Variants in ST13 observed in about 807,000 individuals in gnomAD.
The protein encoded by ST13 is hsc70-interacting protein.
ST13 carries 23 observed loss-of-function variants against 56.7 expected under a neutral mutation model. That is an observed-to-expected ratio of 0.41 (90% confidence interval 0.29 to 0.57). The LOEUF is 0.57. Ranked by LOEUF, ST13 falls within the 20% of genes least tolerant of loss-of-function variation. The pLI, the probability that ST13 is intolerant of heterozygous loss-of-function variation, is 0.36. For synonymous variants in ST13, 132 were observed against 142.4 expected (o/e 0.93, Z 0.52); for missense variants, 369 against 459.9 (o/e 0.80, Z 1.81).
chr22:40,836,777 C>T (rs2057779525), intron 5 of ST13, among the ~76,000 whole-genome samples: 1 of 152,130 alleles, frequency 6.6e-6, no homozygotes, highest in African/African-American at 2.4e-5. Flanking sequence ...AAATAAAACA[C>T]CCTATAGAAT....
chr22:40,852,228 C>T (rs1424111099), intron 1 of ST13, among the ~76,000 whole-genome samples: 1 of 152,220 alleles, frequency 6.6e-6, no homozygotes, highest in Non-Finnish European at 1.5e-5. Flanking sequence ...TTGGCCAATG[C>T]TTAGCTATTG....
At chr22:40,841,156 CAT>C (rs926112860) in intron 4 of ST13, among the ~76,000 whole-genome samples, 5 of 144,964 alleles carry the variant, frequency 3.4e-5, no homozygotes, top group African/African-American at 1.3e-4. Flanking sequence ...AGAACAAAAA[CAT>C]GTGCATCTGG....
At chr22:40,833,001 T>C (rs1568999566) in intron 7 of ST13, among the ~76,000 whole-genome samples, 1 of 152,252 alleles carries the variant, frequency 6.6e-6, no homozygotes, top group Admixed American at 6.5e-5. Flanking sequence ...ACATAATGTG[T>C]TAGCTTTTAG....
At chr22:40,851,999 T>C (rs1400167192) in intron 1 of ST13, among the ~76,000 whole-genome samples, 1 of 152,184 alleles carries the variant, frequency 6.6e-6, no homozygotes, top group Non-Finnish European at 1.5e-5. Context: ...AGCCTTGGCC[T>C]CCCAAAGTGC....
intron 5 of ST13, among the ~76,000 whole-genome samples, chr22:40,839,614 A>C (rs1430632842): frequency 6.6e-6 from 1 of 151,722 alleles, no homozygotes. Flanking sequence ...AAAATACAAA[A>C]ATTAGCTGGA....
intron 4 of ST13, among the ~76,000 whole-genome samples, chr22:40,842,620 G>A (rs2057809951): frequency 6.6e-6 from 1 of 152,170 alleles, no homozygotes; most frequent in African/African-American, 2.4e-5. Flanking sequence ...TCCAGAATTA[G>A]AGCATAAAGT....
chr22:40,851,722 T>TA (rs2057862206), intron 1 of ST13, among the ~76,000 whole-genome samples: 1 of 151,944 alleles, frequency 6.6e-6, no homozygotes, highest in African/African-American at 2.4e-5. Context: ...CAAGGGGATA[T>TA]ATTAACTTTG....
At chr22:40,842,038 G>A (rs561197890) in intron 4 of ST13, among the ~76,000 whole-genome samples, 41 of 152,294 alleles carry the variant, frequency 2.7e-4, no homozygotes, top group African/African-American at 9.9e-4. Flanking sequence ...GTATAAACCT[G>A]TCCTACAGAA....
chr22:40,846,991 G>C (rs1398685457), intron 3 of ST13, among the ~76,000 whole-genome samples: 1 of 151,532 alleles, frequency 6.6e-6, no homozygotes, highest in Non-Finnish European at 1.5e-5. Context: ...CGAAACTCAA[G>C]TCTTCCAAAA....
rs1602653137 is a variant in ST13 at position 40,835,667 on chromosome 22, G to A, written c.471C>T (p.Val157=). ...LAILYAKRAS[V]FVKLQKPNAA... is the part of the protein sequence containing the mutation. ...CATTTGGCTTCTGTAATTTGACGAA[G>A]ACACTGAAAAATAAGTGTGTTATTA... The change falls in exon 7 of 12, where the codon GTC becomes GTT. Residue 157 remains valine (V), a synonymous_variant. Transcript: ENST00000216218. 6.2e-7 allele frequency: 1 copy of A among 1,613,312 alleles called. No individual in the cohort carries two copies. The highest frequency in any genetic ancestry group is 8.5e-7 in the Non-Finnish European group (1 of 1,179,312).
intron 4 of ST13, among the ~76,000 whole-genome samples, chr22:40,843,125 A>C (rs2057812523): frequency 6.6e-6 from 1 of 152,212 alleles, no homozygotes; most frequent in Non-Finnish European, 1.5e-5. Flanking sequence ...GTCTCAAAAA[A>C]ACAAAGCACA....
Position 40,826,452 on chromosome 22 carries a change from G to A in ST13, c.*86C>T. On this transcript the variant is annotated 3_prime_UTR_variant, in exon 12 of 12. Transcript: ENST00000216218. ...CAGCTCTCTTGATGAGAAGGTCAGA[G>A]GTACACTGGTTTGTATTATTGCGAC... The A allele has an allele frequency of 2.8e-6, 4 of 1,422,898 alleles. No individual in the cohort carries two copies. Among genetic ancestry groups the A allele is most frequent in the Non-Finnish European group, 3.8e-6 (4 of 1,044,726 alleles). 88.1% of individuals were successfully genotyped at this position (1,422,898 alleles called of 1,614,324 possible).
At chr22:40,835,710 TAA>T (rs779367716) in intron 6 of ST13, 40 bp from the exon 7 acceptor site, 2 of 1,603,504 alleles carry the variant, frequency 1.2e-6, no homozygotes, top group Admixed American at 3.3e-5. Flanking sequence ...TTCATTTCAG[TAA>T]AAGTTTTGGG....
At chr22:40,848,970 C>T (rs1404026334) in intron 2 of ST13, among the ~76,000 whole-genome samples, 4 of 152,160 alleles carry the variant, frequency 2.6e-5, no homozygotes, top group Admixed American at 2.0e-4. Flanking sequence ...TAGAAAGCAA[C>T]ACTTTCTTCC....
Position 40,840,669 on chromosome 22 carries a change from C to A in ST13, c.339G>T (p.Gln113His). The change falls in exon 5 of 12, where the codon CAG (glutamine) becomes CAT (histidine). Residue 113 changes from glutamine to histidine, a missense_variant. Physicochemically the swap from Gln to His is conservative, Grantham distance 24. Around this residue, in one of 3 missense-constraint regions of ST13, gnomAD observed 169 missense variants for 175.6 expected, o/e 0.96. Transcript: ENST00000216218. ...NAEITEEMMD[Q>H]ANDKKVAAIE... Reference sequence around the variant, plus strand: ...TAGCAGCCACTTTTTTATCATTTGCCTGATCCATCATCTCCTCCGTTATCT... The same window carrying A: ...TAGCAGCCACTTTTTTATCATTTGCATGATCCATCATCTCCTCCGTTATCT... 6.2e-7 allele frequency: 1 copy of A among 1,610,248 alleles called. No individual in the cohort carries two copies. The highest frequency in any genetic ancestry group is 1.1e-5 in the South Asian group (1 of 90,454).
rs1393810166 is a variant in ST13 at position 40,825,974 on chromosome 22, G to GTAC, written c.*561_*563dup. ...AGCAAGATTGCTGCTGCCCTGCCAAGTACTTCCAATCCCTACCCAGGTCCT... is the reference window on the plus strand; with the variant it reads ...AGCAAGATTGCTGCTGCCCTGCCAAGTACTACTTCCAATCCCTACCCAGGTCCT... On this transcript the variant is annotated 3_prime_UTR_variant, in exon 12 of 12. Transcript: ENST00000216218. 1.3e-5 allele frequency: 2 copies of GTAC among 152,688 alleles called. No homozygotes were observed. The highest frequency in any genetic ancestry group is 2.9e-5 in the Non-Finnish European group (2 of 68,094). 9.5% of individuals were successfully genotyped at this position (152,688 alleles called of 1,614,324 possible).
intron 3 of ST13, among the ~76,000 whole-genome samples, chr22:40,845,420 C>T (rs1246748407): frequency 6.6e-6 from 1 of 152,204 alleles, no homozygotes; most frequent in East Asian, 1.9e-4. Flanking sequence ...CCACCTCGGC[C>T]TCCCAAAGCA....
intron 1 of ST13, 102 bp downstream of exon 1, chr22:40,856,329 C>T: frequency 9.8e-7 from 1 of 1,015,552 alleles, no homozygotes; most frequent in Non-Finnish European, 1.5e-6. Flanking sequence ...AAAGAAGGGG[C>T]AGCGACCCCG....
rs28678938 is a variant in ST13, at chr22:40,827,207, A to C, written c.870T>G (p.Pro290=). Reference sequence around the variant, plus strand: ...CAGGCATTCCTCCGGGAAAATTACCAGGCATTCCCCCAGGAAAGCCACCTG... The same window carrying C: ...CAGGCATTCCTCCGGGAAAATTACCCGGCATTCCCCCAGGAAAGCCACCTG... ...SFPGGFPGGM[P]GNFPGGMPGM... is the part of the protein sequence containing the mutation. The change falls in exon 11 of 12, where the codon CCT becomes CCG. Residue 290 remains proline (P), a synonymous_variant. Transcript: ENST00000216218. 6.2e-7 allele frequency: 1 copy of C among 1,613,504 alleles called. No individual in the cohort carries two copies. The highest frequency in any genetic ancestry group is 1.3e-5 in the African/African-American group (1 of 74,920).
Sources: allele counts gnomAD v4.1 joint callset (sites outside exome capture counted in the v4.1 genomes callset), GRCh38; gene constraint gnomAD v4.1.1; regional missense constraint gnomAD v4.1.1; transcripts MANE v1.5; gene names NCBI Gene and HGNC (gene_info 2026-07-23, HGNC 2026-07-21).